The following RIMS1 variants were observed in gnomAD, a reference collection of about 807,000 sequenced individuals.
RIMS1 encodes the protein regulating synaptic membrane exocytosis protein 1.
Under a neutral mutation model 214.1 loss-of-function variants are expected in RIMS1, and 83 were observed. The ratio of observed to expected loss-of-function variants is 0.39; its 90% CI spans 0.32 to 0.47. RIMS1 has a LOEUF of 0.47. Ranked by LOEUF, RIMS1 falls within the 20% of genes least tolerant of loss-of-function variation. The pLI is 0.99. For missense variants in RIMS1, 2,050 were observed against 2,161.8 expected (o/e 0.95, Z 1.03); for synonymous variants, 793 against 786.8 (o/e 1.01, Z -0.13).
intron 1 of RIMS1, among the ~76,000 whole-genome samples, chr6:71,902,378 A>T (rs1377587427): frequency 6.6e-6 from 1 of 152,074 alleles, no homozygotes; most frequent in African/African-American, 2.4e-5. Flanking sequence ...GTATAAGATG[A>T]GTCAACAGAA....
chr6:72,148,067 C>G (rs1469027984), intron 4 of RIMS1, among the ~76,000 whole-genome samples: 1 of 152,170 alleles, frequency 6.6e-6, no homozygotes, highest in Non-Finnish European at 1.5e-5. Flanking sequence ...GATTGCTCAG[C>G]TAAATTTGTA....
chr6:72,081,400 GA>G (rs1312963196), intron 2 of RIMS1, among the ~76,000 whole-genome samples: 1 of 152,104 alleles, frequency 6.6e-6, no homozygotes, highest in Non-Finnish European at 1.5e-5. Context: ...CCAGGGTTCT[GA>G]CACAGTCTAT....
chr6:72,250,871 A>G (rs911335636), intron 13 of RIMS1, 50 bp from the exon 14 acceptor site: 2 of 1,033,090 alleles, frequency 1.9e-6, no homozygotes, highest in Non-Finnish European at 2.8e-6. Context: ...ACTACAGTAG[A>G]TGGCAGCATG....
At chr6:72,286,120 C>G (rs993445659) in intron 24 of RIMS1, among the ~76,000 whole-genome samples, 3 of 151,704 alleles carry the variant, frequency 2.0e-5, no homozygotes, top group Non-Finnish European at 4.4e-5. Flanking sequence ...TTGCTTGAAC[C>G]TAGGAGGTGG....
intron 6 of RIMS1, among the ~76,000 whole-genome samples, chr6:72,232,428 C>T (rs1199953814): frequency 6.6e-6 from 1 of 151,504 alleles, no homozygotes; most frequent in Admixed American, 6.6e-5. Flanking sequence ...AAGAAAAGTT[C>T]TTTTCTGACT....
chr6:71,910,842 A>G (rs1050885101), intron 1 of RIMS1, among the ~76,000 whole-genome samples: 1 of 152,088 alleles, frequency 6.6e-6, no homozygotes. Flanking sequence ...TTAATTTTTC[A>G]CTACCTTTTG....
chr6:72,183,552 T>C (rs1442957109), intron 6 of RIMS1, among the ~76,000 whole-genome samples: 1 of 143,956 alleles, frequency 6.9e-6, no homozygotes, highest in African/African-American at 2.6e-5. Context: ...TTACGTAATA[T>C]TACAGTTGCA....
At chr6:72,140,655 ATG>A (rs1446568839) in intron 4 of RIMS1, among the ~76,000 whole-genome samples, 3 of 152,048 alleles carry the variant, frequency 2.0e-5, no homozygotes, top group Non-Finnish European at 4.4e-5. Context: ...GAGCCCTGTT[ATG>A]TGTGTTAGTG....
intron 29 of RIMS1, among the ~76,000 whole-genome samples, chr6:72,357,331 C>T (rs1364339443): frequency 6.6e-6 from 1 of 152,174 alleles, no homozygotes; most frequent in Admixed American, 6.5e-5. Context: ...CATCTCTTTA[C>T]TCAGATGAAG....
intron 23 of RIMS1, among the ~76,000 whole-genome samples, chr6:72,277,874 A>G (rs2087483179): frequency 6.6e-6 from 1 of 152,188 alleles, no homozygotes; most frequent in Non-Finnish European, 1.5e-5. Context: ...GAAATTAACC[A>G]AAATTTGTAA....
chr6:72,181,744 C>T (rs2048433800), intron 5 of RIMS1, among the ~76,000 whole-genome samples: 1 of 152,138 alleles, frequency 6.6e-6, no homozygotes, highest in African/African-American at 2.4e-5. Context: ...GAAAGAGACA[C>T]TGTTTATTTG....
intron 4 of RIMS1, among the ~76,000 whole-genome samples, chr6:72,153,278 A>AC (rs2043984297): frequency 6.6e-6 from 1 of 151,166 alleles, no homozygotes. Flanking sequence ...GGACTGGTTG[A>AC]TTTTTTTTCA....
chr6:72,109,894 G>T (rs2035665072), intron 4 of RIMS1, among the ~76,000 whole-genome samples: 1 of 152,000 alleles, frequency 6.6e-6, no homozygotes, highest in African/African-American at 2.4e-5. Flanking sequence ...TGTAAGGAAG[G>T]GATCCAGTTT....
chr6:72,235,569 C>T (rs2063692908), intron 7 of RIMS1, 49 bp from the exon 8 acceptor site: 5 of 1,132,670 alleles, frequency 4.4e-6, no homozygotes, highest in Non-Finnish European at 6.6e-6. Flanking sequence ...TAGCTGAATG[C>T]ATTACATTCT....
intron 2 of RIMS1, among the ~76,000 whole-genome samples, chr6:72,040,405 CT>C (rs1821116461): frequency 6.6e-6 from 1 of 151,968 alleles, no homozygotes; most frequent in African/African-American, 2.4e-5. Context: ...TTGGAAATGC[CT>C]GTCTAGATTT....
chr6:72,232,254 T>G (rs2062263397), intron 6 of RIMS1, among the ~76,000 whole-genome samples: 1 of 151,584 alleles, frequency 6.6e-6, no homozygotes, highest in Non-Finnish European at 1.5e-5. Flanking sequence ...TAGGATAGAG[T>G]TTTACAAATT....
At chr6:72,207,826 G>T (rs1170312113) in intron 6 of RIMS1, among the ~76,000 whole-genome samples, 1 of 152,038 alleles carries the variant, frequency 6.6e-6, no homozygotes, top group African/African-American at 2.4e-5. Flanking sequence ...ACCTATAAAT[G>T]ATTCATAAAG....
intron 1 of RIMS1, among the ~76,000 whole-genome samples, chr6:71,965,700 T>C (rs770838420): frequency 6.6e-5 from 10 of 152,204 alleles, no homozygotes; most frequent in Non-Finnish European, 1.5e-4. Context: ...GATGAGGGAA[T>C]GCTCACATGC....
At chr6:72,177,162 T>C (rs1035483194) in intron 4 of RIMS1, among the ~76,000 whole-genome samples, 3 of 152,232 alleles carry the variant, frequency 2.0e-5, no homozygotes, top group African/African-American at 7.2e-5. Flanking sequence ...TAATTGTAAA[T>C]TTGTGTTTTC....
Sources: allele counts gnomAD v4.1 joint callset (sites outside exome capture counted in the v4.1 genomes callset), GRCh38; gene constraint gnomAD v4.1.1; transcripts MANE v1.5; gene names NCBI Gene and HGNC (gene_info 2026-07-23, HGNC 2026-07-21).